The following UBE2E3 variants were observed in gnomAD, a reference collection of about 807,000 sequenced individuals.
The protein encoded by UBE2E3 is ubiquitin-conjugating enzyme E2 E3.
A neutral mutation model predicts 23.6 loss-of-function variants in UBE2E3; 5 were observed. That is an observed-to-expected ratio of 0.21 (90% CI 0.11 to 0.44). The LOEUF is 0.44. Among genes scored for constraint, UBE2E3 ranks in the 20% least tolerant of loss-of-function variants. The probability of loss-of-function intolerance (pLI) is 0.99; values close to 1 mark genes in which losing one functional copy is unlikely to be tolerated. For missense variants in UBE2E3, 81 were observed against 249.8 expected, an observed-to-expected ratio of 0.32 and a Z score of 4.55; for synonymous variants, 78 against 87.5, an observed-to-expected ratio of 0.89 and a Z score of 0.60.
intron 3 of UBE2E3, chr2:180,989,900 C>A (rs964376112): frequency 1.3e-6 from 2 of 1,548,452 alleles, no homozygotes; most frequent in African/African-American, 1.4e-5. Context: ...GCAAGTCTTG[C>A]ATAGAGTGTA....
At chr2:181,042,874 A>C (rs1368664241) in intron 3 of UBE2E3, among the ~76,000 whole-genome samples, 1 of 152,192 alleles carries the variant, frequency 6.6e-6, no homozygotes, top group Non-Finnish European at 1.5e-5. Flanking sequence ...AAATTGAGTA[A>C]TTTGCACAAC....
intron 3 of UBE2E3, among the ~76,000 whole-genome samples, chr2:181,043,628 G>T (rs1331314739): frequency 2.0e-5 from 3 of 152,074 alleles, no homozygotes; most frequent in African/African-American, 7.2e-5. Flanking sequence ...TATAATATTT[G>T]ATAAGACAAA....
intron 3 of UBE2E3, among the ~76,000 whole-genome samples, chr2:181,043,773 G>A (rs1240036199): frequency 2.6e-5 from 4 of 152,120 alleles, no homozygotes; most frequent in African/African-American, 9.7e-5. Context: ...GATTACTGGT[G>A]TGTATGTATA....
chr2:181,062,071 C>T (rs1181244077), intron 5 of UBE2E3, among the ~76,000 whole-genome samples: 1 of 151,590 alleles, frequency 6.6e-6, no homozygotes, highest in African/African-American at 2.4e-5. Context: ...ATTCTAAATG[C>T]TTGTCAGTGC....
chr2:181,044,674 T>G (rs1686617493), intron 3 of UBE2E3, among the ~76,000 whole-genome samples: 1 of 152,172 alleles, frequency 6.6e-6, no homozygotes, highest in Non-Finnish European at 1.5e-5. Flanking sequence ...ATTAGTGTAT[T>G]GATCTTCTTA....
chr2:181,030,623 G>A (rs113941688), intron 3 of UBE2E3, among the ~76,000 whole-genome samples: 56 of 152,098 alleles, frequency 3.7e-4, no homozygotes, highest in African/African-American at 9.4e-4. Flanking sequence ...TCTCAGAAGC[G>A]TTTTAAGAGT....
intron 3 of UBE2E3, chr2:180,987,198 A>T: frequency 2.2e-6 from 2 of 924,990 alleles, no homozygotes; most frequent in Non-Finnish European, 3.2e-6. Flanking sequence ...GTTTACATAA[A>T]GTATAAATAA....
chr2:180,990,313 C>T (rs977459054), intron 3 of UBE2E3, among the ~76,000 whole-genome samples: 1 of 152,082 alleles, frequency 6.6e-6, no homozygotes, highest in East Asian at 1.9e-4. Flanking sequence ...TAGGACAGAC[C>T]CCCACAATAA....
intron 3 of UBE2E3, among the ~76,000 whole-genome samples, chr2:181,006,413 C>G (rs1394763354): frequency 6.6e-6 from 1 of 150,828 alleles, no homozygotes; most frequent in Non-Finnish European, 1.5e-5. Flanking sequence ...TTTTGCCGTT[C>G]CAGATTCCAT....
In UBE2E3 at chr2:181,037,133, G is replaced by A. The variant is rs542034979; in HGVS notation, c.246-20560G>A. Among the ~76,000 whole-genome samples, 4 of 152,284 alleles carry A rather than the reference G, an allele frequency of 2.6e-5. No homozygotes were observed. The East Asian group carries it at 5.8e-4, about 22-fold the overall frequency. On this transcript the variant is annotated intron_variant, in intron 3 of 5. Coordinates refer to ENST00000410062, the MANE Select transcript of UBE2E3 (RefSeq NM_006357.4). The stretch of plus-strand genomic sequence containing the variant: ...TTGAGGTTGTAGTCATCGTAGCATC[G>A]TCAGACAGTGCATTACTCACATGTT...
intron 3 of UBE2E3, among the ~76,000 whole-genome samples, chr2:181,050,561 T>G (rs1686813883): frequency 6.6e-6 from 1 of 151,944 alleles, no homozygotes; most frequent in Admixed American, 6.6e-5. Context: ...AGTACGTGAT[T>G]AGATACCTTT....
chr2:180,985,956 A>G (rs1021645674), intron 3 of UBE2E3, among the ~76,000 whole-genome samples: 2 of 152,100 alleles, frequency 1.3e-5, no homozygotes, highest in African/African-American at 4.8e-5. Context: ...ATGTTTCCTC[A>G]AGGTCACTGA....
intron 3 of UBE2E3, among the ~76,000 whole-genome samples, chr2:181,036,892 T>A (rs1182332227): frequency 6.6e-6 from 1 of 152,218 alleles, no homozygotes; most frequent in Non-Finnish European, 1.5e-5. Flanking sequence ...AGCCTGTGGT[T>A]AAATTGGTTT....
intron 3 of UBE2E3, among the ~76,000 whole-genome samples, chr2:181,053,480 G>T (rs1023492683): frequency 6.6e-6 from 1 of 151,642 alleles, no homozygotes; most frequent in African/African-American, 2.4e-5. Flanking sequence ...CAGAAACATT[G>T]ACCTCTTATT....
chr2:181,050,281 T>A (rs1686786040), intron 3 of UBE2E3, among the ~76,000 whole-genome samples: 1 of 151,958 alleles, frequency 6.6e-6, no homozygotes, highest in Non-Finnish European at 1.5e-5. Flanking sequence ...GGTGATACCT[T>A]GTGGGTTTTC....
At chr2:181,017,477 A>G (rs985966032) in intron 3 of UBE2E3, among the ~76,000 whole-genome samples, 4 of 152,050 alleles carry the variant, frequency 2.6e-5, no homozygotes, top group Non-Finnish European at 5.9e-5. Flanking sequence ...CTGAAACTGG[A>G]CTACGAATGT....
At chr2:181,019,410 G>A (rs1685604411) in intron 3 of UBE2E3, among the ~76,000 whole-genome samples, 1 of 152,084 alleles carries the variant, frequency 6.6e-6, no homozygotes, top group Non-Finnish European at 1.5e-5. Flanking sequence ...TTTTCTACCT[G>A]TAATATAAAC....
Position 180,981,999 on chromosome 2 carries a change from C to G in UBE2E3, c.-25-19C>G, listed in dbSNP as rs745573273. On this transcript the variant is annotated intron_variant, in intron 1 of 5. Coordinates refer to ENST00000410062, the MANE Select transcript of UBE2E3 (RefSeq NM_006357.4). ...AGATTTAACATTTTCTCCTCCTCCT[C>G]CCCTGTTCTCTTTAAAAGTTTTCCA... 6.5e-7 allele frequency: 1 copy of G among 1,541,856 alleles called. No homozygotes were observed. The highest frequency in any genetic ancestry group is 8.8e-7 in the Non-Finnish European group (1 of 1,132,450).
intron 3 of UBE2E3, among the ~76,000 whole-genome samples, chr2:181,031,109 T>G (rs922319343): frequency 7.9e-5 from 12 of 152,166 alleles, no homozygotes; most frequent in African/African-American, 2.9e-4. Context: ...GTACTGATTT[T>G]TGTGGCCTCT....
Sources: gnomAD v4.1 joint callset for allele counts (sites outside exome capture counted in the v4.1 genomes callset) on GRCh38, gnomAD v4.1.1 for gene constraint, MANE v1.5 for transcripts, NCBI Gene and HGNC (gene_info 2026-07-23, HGNC 2026-07-21) for gene names.